The following CGNL1 variants were observed in gnomAD, a reference collection of about 807,000 sequenced individuals.
CGNL1 encodes cingulin like 1, also known as cingulin-like protein 1.
CGNL1 carries 132 observed loss-of-function variants against 141.2 expected under a neutral mutation model. The ratio of observed to expected loss-of-function variants is 0.93; its 90% CI spans 0.81 to 1.08. The LOEUF is 1.08. CGNL1 is among the 50% of genes least tolerant of loss of function. The pLI, the probability that CGNL1 is intolerant of heterozygous loss-of-function variation, is 0.00. For synonymous variants in CGNL1, 690 were observed against 622.1 expected, an observed-to-expected ratio of 1.11 and a Z score of -1.63; for missense variants, 1,870 against 1,588.6, an observed-to-expected ratio of 1.18 and a Z score of -3.01.
Position 57,439,399 on chromosome 15 carries a change from A to G in CGNL1, c.1400A>G (p.Asp467Gly), listed in dbSNP as rs755642103. Reference sequence around the variant, plus strand: ...TCCAGGCCTCCCCAGCCGAACATAGATGGGAAAGTTCTGGAAACCGAAGGT... The same window carrying G: ...TCCAGGCCTCCCCAGCCGAACATAGGTGGGAAAGTTCTGGAAACCGAAGGT... Reference protein sequence around the residue: ...AHSRPPQPNIDGKVLETEGSQ... With the variant: ...AHSRPPQPNIGGKVLETEGSQ... The change falls in exon 2 of 19, where the codon GAT (aspartate) becomes GGT (glycine). Residue 467 changes from aspartate to glycine, a missense_variant. Asp to Gly is a moderately conservative substitution (Grantham distance 94). Coordinates refer to ENST00000281282, the MANE Select transcript of CGNL1 (RefSeq NM_032866.5). 2.5e-6 allele frequency: 4 copies of G among 1,614,048 alleles called. No individual in the cohort carries two copies. Among genetic ancestry groups the G allele is most frequent in the South Asian group, 1.1e-5 (1 of 91,090 alleles).
At chr15:57,503,027 C>T (rs1346687385) in intron 8 of CGNL1, among the ~76,000 whole-genome samples, 3 of 152,186 alleles carry the variant, frequency 2.0e-5, no homozygotes, top group African/African-American at 7.2e-5. Context: ...ATTAAGCTAC[C>T]GCCTAAGGAC....
chr15:57,405,151 G>A (rs1420339415), intron 1 of CGNL1: 30 of 152,056 alleles, frequency 2.0e-4, no homozygotes, highest in Non-Finnish European at 4.0e-4. Flanking sequence ...TTTAATTTTA[G>A]TATATGTGCT....
At position 57,506,225 on chromosome 15, in the gene CGNL1, C is replaced by T. The variant is rs542895901; in HGVS notation, c.2404-10555C>T. Among the ~76,000 whole-genome samples, 8 of 152,320 alleles carry T rather than the reference C, an allele frequency of 5.3e-5. No homozygotes were observed. The South Asian group carries it at 1.2e-3, about 24-fold the overall frequency. On this transcript the variant is annotated intron_variant, in intron 8 of 18. Coordinates refer to ENST00000281282, the MANE Select transcript of CGNL1 (RefSeq NM_032866.5). ...CCAATATTTTCCTAGTGACGCAGAG[C>T]GCTGGAAGCAGGGCATTGTCTGGGT...
chr15:57,409,343 C>T (rs1392059010), intron 1 of CGNL1, among the ~76,000 whole-genome samples: 1 of 152,164 alleles, frequency 6.6e-6, no homozygotes, highest in Non-Finnish European at 1.5e-5. Context: ...GAATTCCATG[C>T]TGAGGAGATT....
intron 1 of CGNL1, among the ~76,000 whole-genome samples, chr15:57,386,263 G>C (rs1323895459): frequency 6.6e-6 from 1 of 152,212 alleles, no homozygotes; most frequent in East Asian, 1.9e-4. Flanking sequence ...GCTGCTACAG[G>C]CTTGTGAGCC....
intron 7 of CGNL1, among the ~76,000 whole-genome samples, chr15:57,455,835 T>C (rs2063372681): frequency 6.6e-6 from 1 of 152,172 alleles, no homozygotes; most frequent in Non-Finnish European, 1.5e-5. Context: ...TTTGGTGATG[T>C]GTTCAGGCAG....
rs1187763607 is a variant in CGNL1, at chr15:57,386,911, A to AT, written c.-16+10352dup. Among the ~76,000 whole-genome samples the AT allele has an allele frequency of 2.5e-4, 38 of 151,934 alleles. No individual in the cohort carries two copies. In the East Asian group the frequency reaches 6.2e-3, roughly 25 times the overall value. On this transcript the variant is annotated intron_variant, in intron 1 of 18. Transcript: ENST00000281282. ...AAAAAGGATCTTTCTGGTTCTTGGT[A>AT]TTTTTTTTGGTGGCAAAATACAGCA...
chr15:57,544,471 A>G lies in CGNL1; in HGVS notation c.3376-2A>G. On this transcript the variant is annotated splice_acceptor_variant, in intron 15 of 18. Transcript: ENST00000281282. LOFTEE classifies it high-confidence loss of function. ...CCTCACAGTCTCCCTGTGTTGTTCCAGAACAAGGACTTAAAGAGCCGGATT... is the reference window on the plus strand; with the variant it reads ...CCTCACAGTCTCCCTGTGTTGTTCCGGAACAAGGACTTAAAGAGCCGGATT... The G allele has an allele frequency of 6.2e-7, 1 of 1,614,080 alleles. No homozygotes were observed. Among genetic ancestry groups the G allele is most frequent in the Non-Finnish European group, 8.5e-7 (1 of 1,179,984 alleles).
chr15:57,481,474 A>G (rs1016858085), intron 8 of CGNL1, among the ~76,000 whole-genome samples: 1 of 152,142 alleles, frequency 6.6e-6, no homozygotes, highest in Non-Finnish European at 1.5e-5. Flanking sequence ...TTCTCTCAGC[A>G]TTGTTCTCTG....
chr15:57,438,311 A>G lies in CGNL1; in HGVS notation c.312A>G (p.Pro104=), dbSNP rs756250743. 1.2e-6 allele frequency: 2 copies of G among 1,614,192 alleles called. No homozygotes were observed. The highest frequency in any genetic ancestry group is 1.7e-6 in the Non-Finnish European group (2 of 1,180,040). ...PKENSEELQL[P]ENPYAQPSPI... ...AGAACAGTGAAGAACTTCAGCTTCC[A>G]GAAAACCCATACGCCCAGCCTAGCC... The change falls in exon 2 of 19, where the codon CCA becomes CCG. Residue 104 remains proline, a synonymous_variant. Coordinates refer to ENST00000281282, the MANE Select transcript of CGNL1 (RefSeq NM_032866.5).
intron 1 of CGNL1, among the ~76,000 whole-genome samples, chr15:57,419,678 C>T (rs1385620402): frequency 1.3e-5 from 2 of 152,222 alleles, no homozygotes; most frequent in African/African-American, 4.8e-5. Context: ...AAGCACCCTT[C>T]TCATCAAAGG....
chr15:57,537,031 T>A (rs1010807788), intron 14 of CGNL1, among the ~76,000 whole-genome samples: 11 of 152,096 alleles, frequency 7.2e-5, no homozygotes, highest in Non-Finnish European at 1.3e-4. Flanking sequence ...CAAAGAGAGG[T>A]CCGGCTTCAT....
chr15:57,512,721 G>C (rs17820365), intron 8 of CGNL1, among the ~76,000 whole-genome samples: 33,163 of 152,030 alleles, frequency 0.22, 4,853 homozygotes, highest in Non-Finnish European at 0.33. Flanking sequence ...GTTAAATCAG[G>C]TCTGGTTTTC....
intron 8 of CGNL1, among the ~76,000 whole-genome samples, chr15:57,506,029 G>T (rs1045990799): frequency 6.6e-6 from 1 of 152,218 alleles, no homozygotes; most frequent in African/African-American, 2.4e-5. Context: ...CTTCCAGATT[G>T]AGCCTTTGGC....
chr15:57,473,899 CTTTTTTT>C (rs59761174), intron 8 of CGNL1, among the ~76,000 whole-genome samples: 84 of 70,672 alleles, frequency 1.2e-3, no homozygotes, highest in South Asian at 2.2e-3. Context: ...TCTTCTTCTT[CTTTTTTT>C]TTTTTTTTTT....
At chr15:57,531,610 T>A in intron 13 of CGNL1, 80 bp from the exon 14 acceptor site, 1 of 878,032 alleles carries the variant, frequency 1.1e-6, no homozygotes, top group Non-Finnish European at 1.9e-6. Context: ...CCCTTAGGAT[T>A]GTTTCTCTGT....
chr15:57,461,542 G>A (rs1848649396), intron 7 of CGNL1, 138 bp from the exon 8 acceptor site: 2 of 722,950 alleles, frequency 2.8e-6, no homozygotes, highest in African/African-American at 1.7e-5. Context: ...CTAAACAGGT[G>A]TGCGGGATGT....
Position 57,452,150 on chromosome 15 carries a change from A to G in CGNL1, c.1915A>G (p.Asn639Asp). The change falls in exon 6 of 19, where the codon AAC becomes GAC. Residue 639 changes from asparagine (N) to aspartate (D), a missense_variant. Coordinates refer to ENST00000281282, the MANE Select transcript of CGNL1 (RefSeq NM_032866.5). ...QLQLEVKNQQ[N>D]IKEERERMRA... ...CACTGATTCCTGTTAGAATCAACAG[A>G]ACATTAAAGAAGAGAGAGAGAGGAT... The G allele has an allele frequency of 1.2e-6, 2 of 1,612,978 alleles. No homozygotes were observed. The highest frequency in any genetic ancestry group is 1.7e-6 in the Non-Finnish European group (2 of 1,179,584).
chr15:57,473,432 A>G (rs2063608216), intron 8 of CGNL1, among the ~76,000 whole-genome samples: 1 of 152,226 alleles, frequency 6.6e-6, no homozygotes, highest in Non-Finnish European at 1.5e-5. Context: ...GAATACCTAC[A>G]GTGGCAAAGT....
Sources: gnomAD v4.1 joint callset for allele counts (sites outside exome capture counted in the v4.1 genomes callset) on GRCh38, gnomAD v4.1.1 for gene constraint, MANE v1.5 for transcripts, NCBI Gene and HGNC (gene_info 2026-07-23, HGNC 2026-07-21) for gene names.